Variants in PYGL observed in about 807,000 individuals in gnomAD.
PYGL encodes the protein glycogen phosphorylase L.
Under a neutral mutation model 100.1 loss-of-function variants are expected in PYGL, and 90 were observed. The observed-to-expected ratio is 0.90, with a 90% CI of 0.76 to 1.07. The LOEUF is 1.07. PYGL is among the 50% of genes least tolerant of loss of function. The probability of loss-of-function intolerance (pLI) is 0.00; values close to 1 mark genes in which losing one functional copy is unlikely to be tolerated. For missense variants in PYGL, 1,016 were observed against 1,057.6 expected (o/e 0.96, Z 0.55); for synonymous variants, 373 against 393.0 (o/e 0.95, Z 0.60).
chr14:50,913,165 G>A lies in PYGL; in HGVS notation c.1519-35C>T, dbSNP rs1303769406. 11 of 1,595,306 alleles carry A rather than the reference G, an allele frequency of 6.9e-6. 1 individual carries two copies. The Admixed American group carries it at 1.8e-4, about 27-fold the overall frequency. ...CAAAGGAAAAGATGACTTCAATTTG[G>A]GGATGGTAATCAAGTCCAAATGGGC... On this transcript the variant is annotated intron_variant, in intron 12 of 19. Coordinates refer to ENST00000216392, the MANE Select transcript of PYGL (RefSeq NM_002863.5).
intron 7 of PYGL, 32 bp downstream of exon 7, chr14:50,920,509 T>C (rs2050490048): frequency 1.3e-6 from 2 of 1,548,720 alleles, no homozygotes; most frequent in Admixed American, 3.3e-5. Context: ...GCTGCCTCTG[T>C]TGCCACTAAG....
chr14:50,910,184 C>A, intron 16 of PYGL, 82 bp from the exon 17 acceptor site: 1 of 1,435,926 alleles, frequency 7.0e-7, no homozygotes, highest in Non-Finnish European at 9.8e-7. Flanking sequence ...TTAAGTTGGG[C>A]TGTTTTGATA....
Position 50,908,820 on chromosome 14 carries a change from C to T in PYGL, c.2312+1G>A, listed in dbSNP as rs1566499327. 6.4e-7 allele frequency: 1 copy of T among 1,563,508 alleles called. No homozygotes were observed. The highest frequency in any genetic ancestry group is 8.8e-7 in the Non-Finnish European group (1 of 1,134,034). On this transcript the variant is annotated splice_donor_variant, in intron 18 of 19. Transcript: ENST00000216392. LOFTEE classifies it high-confidence loss of function. ...AGCACCATCTTCTTATGGGAACTCA[C>T]CTGTCATGATAAAATAGCATGTTGA...
intron 3 of PYGL, among the ~76,000 whole-genome samples, chr14:50,934,731 G>C (rs1014588839): frequency 6.6e-6 from 1 of 152,024 alleles, no homozygotes; most frequent in Non-Finnish European, 1.5e-5. Context: ...CAGAAAAAAG[G>C]TCTGGAATTC....
chr14:50,941,267 AGAAAT>A (rs1201437200), intron 1 of PYGL, among the ~76,000 whole-genome samples: 2 of 152,224 alleles, frequency 1.3e-5, no homozygotes, highest in African/African-American at 4.8e-5. Context: ...TACTGGGCTA[AGAAAT>A]GGAGTGTGCA....
At chr14:50,931,586 G>A in intron 4 of PYGL, 87 bp downstream of exon 4, 1 of 1,236,484 alleles carries the variant, frequency 8.1e-7, no homozygotes, top group Non-Finnish European at 1.2e-6. Context: ...ACAGCTCTAT[G>A]TTAAAGGTCC....
intron 4 of PYGL, among the ~76,000 whole-genome samples, chr14:50,928,386 C>T (rs779051219): frequency 2.8e-4 from 43 of 152,128 alleles, no homozygotes; most frequent in African/African-American, 8.5e-4. Context: ...ATGTGAATCA[C>T]GCATGACTGG....
intron 1 of PYGL, among the ~76,000 whole-genome samples, chr14:50,940,185 G>T (rs780336181): frequency 1.3e-5 from 2 of 152,142 alleles, no homozygotes; most frequent in African/African-American, 2.4e-5. Flanking sequence ...AGTATCTTAA[G>T]CCACAAATAC....
intron 6 of PYGL, 28 bp from the exon 7 acceptor site, chr14:50,920,651 T>G (rs760458233): frequency 2.6e-5 from 41 of 1,566,954 alleles, no homozygotes; most frequent in Non-Finnish European, 3.4e-5. Flanking sequence ...AAACAATAAA[T>G]AGAGAAACCA....
chr14:50,938,756 G>A (rs1596053146), intron 1 of PYGL, among the ~76,000 whole-genome samples: 1 of 152,292 alleles, frequency 6.6e-6, no homozygotes, highest in East Asian at 1.9e-4. Flanking sequence ...ACTCATCTAA[G>A]TAGATTCAAT....
intron 1 of PYGL, among the ~76,000 whole-genome samples, chr14:50,941,162 T>G (rs536952185): frequency 6.6e-6 from 1 of 152,134 alleles, no homozygotes; most frequent in African/African-American, 2.4e-5. Flanking sequence ...CAGACCACAA[T>G]GCACAGAATG....
At chr14:50,914,657 G>T in intron 12 of PYGL, 44 bp downstream of exon 12, 1 of 1,475,636 alleles carries the variant, frequency 6.8e-7, no homozygotes, top group Non-Finnish European at 9.5e-7. Flanking sequence ...TATGCCTCTT[G>T]CATTCGAGTC....
Position 50,913,142 on chromosome 14 carries a change from A to C in PYGL, c.1519-12T>G. On this transcript the variant is annotated splice_polypyrimidine_tract_variant and intron_variant, in intron 12 of 19. Coordinates refer to ENST00000216392, the MANE Select transcript of PYGL (RefSeq NM_002863.5). ...TCTTCTCCAATTTTCTTTCAATTCA[A>C]AGGAAAAGATGACTTCAATTTGGGG... 6.2e-7 allele frequency: 1 copy of C among 1,611,912 alleles called. No individual in the cohort carries two copies.
In PYGL at chr14:50,944,299, G is replaced by A. The variant is rs745882469; in HGVS notation, c.105C>T (p.His35=). Residue 35 remains histidine (H), a synonymous_variant, in exon 1 of 20, where the codon CAC becomes CAT. Transcript: ENST00000216392. ...VAELKKSFNR[H]LHFTLVKDRN... is the part of the protein sequence containing the mutation. ...GGTCCTTGACCAGCGTGAAGTGCAG[G>A]TGCCGGTTGAAACTCTTCTTCAGCT... 1 of 1,614,014 alleles carries A rather than the reference G, an allele frequency of 6.2e-7. No individual in the cohort carries two copies. Among genetic ancestry groups the A allele is most frequent in the South Asian group, 1.1e-5 (1 of 91,086 alleles).
intron 4 of PYGL, among the ~76,000 whole-genome samples, chr14:50,930,681 T>C (rs74051860): frequency 0.06 from 9,086 of 152,186 alleles, 390 homozygotes; most frequent in African/African-American, 0.12. Context: ...CTCATAGGGT[T>C]ATCTTCCTTT....
chr14:50,909,888 C>T lies in PYGL; in HGVS notation c.2177+7G>A. ...TCCTGCCTAGCAAAGAGAAGCTATT[C>T]TCTTACCCTTTCTTGTCCAAAGCAG... On this transcript the variant is annotated splice_region_variant and intron_variant, in intron 17 of 19. Transcript: ENST00000216392. 1 of 1,614,122 alleles carries T rather than the reference C, an allele frequency of 6.2e-7. No homozygotes were observed. Among genetic ancestry groups the T allele is most frequent in the Non-Finnish European group, 8.5e-7 (1 of 1,179,974 alleles).
intron 8 of PYGL, 23 bp from the exon 9 acceptor site, chr14:50,916,757 A>C (rs1162882826): frequency 6.2e-7 from 1 of 1,602,800 alleles, no homozygotes; most frequent in Admixed American, 1.7e-5. Context: ...AGACATCAAC[A>C]TGAAGGCAAC....
chr14:50,919,642 G>A (rs992590740), intron 7 of PYGL, among the ~76,000 whole-genome samples: 1 of 151,334 alleles, frequency 6.6e-6, no homozygotes, highest in Non-Finnish European at 1.5e-5. Flanking sequence ...ATCAATAGCA[G>A]TTATCTGAGA....
intron 1 of PYGL, among the ~76,000 whole-genome samples, chr14:50,940,948 C>T (rs528473326): frequency 6.6e-5 from 10 of 152,302 alleles, no homozygotes; most frequent in Admixed American, 2.0e-4. Flanking sequence ...AGGAAGGACA[C>T]TGCAAGTGAA....
Sources: allele counts gnomAD v4.1 joint callset (sites outside exome capture counted in the v4.1 genomes callset), GRCh38; gene constraint gnomAD v4.1.1; transcripts MANE v1.5; gene names NCBI Gene and HGNC (gene_info 2026-07-23, HGNC 2026-07-21).